P3H2: variants seen among roughly 807,000 people sequenced by gnomAD.
P3H2 encodes the protein prolyl 3-hydroxylase 2, also known as leprecan-like 1.
A neutral mutation model predicts 87.0 loss-of-function variants in P3H2; 80 were observed. The observed-to-expected ratio is 0.92, with a 90% CI of 0.77 to 1.11. P3H2 has a LOEUF of 1.11. Ranked by LOEUF, P3H2 falls within the 50% of genes least tolerant of loss-of-function variation. The pLI is 0.00. For synonymous variants in P3H2, 367 were observed against 359.3 expected (o/e 1.02, Z -0.24); for missense variants, 1,001 against 923.9 (o/e 1.08, Z -1.08).
chr3:190,022,318 G>T lies in P3H2; in HGVS notation c.481-26876C>A, dbSNP rs924576116. ...TAGATTTGTAGTTTAAGGCACAAAT[G>T]AGCCCCTCAGGGGTGGGGTGTGCAT... On this transcript the variant is annotated intron_variant, in intron 1 of 14. Coordinates refer to ENST00000319332, the MANE Select transcript of P3H2 (RefSeq NM_018192.4). Among the ~76,000 whole-genome samples, 9 of 135,412 alleles carry T rather than the reference G, an allele frequency of 6.6e-5. 2 individuals carry two copies. The highest frequency in any genetic ancestry group is 5.0e-4 in the East Asian group (2 of 4,016). 88.8% of individuals were successfully genotyped at this position (135,412 alleles called of 152,430 possible).
At chr3:190,007,587 A>G (rs1178605648) in intron 1 of P3H2, among the ~76,000 whole-genome samples, 1 of 152,120 alleles carries the variant, frequency 6.6e-6, no homozygotes, top group Non-Finnish European at 1.5e-5. Context: ...CAGAGAGAAG[A>G]GTTTCCTAAA....
intron 1 of P3H2, among the ~76,000 whole-genome samples, chr3:190,050,998 A>T (rs1725963698): frequency 6.6e-6 from 1 of 152,204 alleles, no homozygotes; most frequent in Non-Finnish European, 1.5e-5. Context: ...TGAAATTAGG[A>T]TATTAATCTG....
chr3:190,120,106 A>G (rs1712479041), intron 1 of P3H2, 146 bp downstream of exon 1: 1 of 900,086 alleles, frequency 1.1e-6, no homozygotes, highest in Non-Finnish European at 1.7e-6. Flanking sequence ...TAGGGCCACC[A>G]GATATCTGGA....
chr3:190,055,581 A>T (rs1726128728), intron 1 of P3H2, among the ~76,000 whole-genome samples: 1 of 151,686 alleles, frequency 6.6e-6, no homozygotes, highest in East Asian at 1.9e-4. Context: ...TGAAGTACTT[A>T]GAAATGTAAT....
Position 189,973,038 on chromosome 3 carries a change from A to C in P3H2, c.1549-14T>G, listed in dbSNP as rs1723224890. On this transcript the variant is annotated splice_polypyrimidine_tract_variant and intron_variant, in intron 10 of 14. Transcript: ENST00000319332. The stretch of plus-strand genomic sequence containing the variant: ...TTCATAACCAGACTGAAAAAAAAAA[A>C]CAAAACATGAGAAACAAATGGGTTC... The C allele has an allele frequency of 6.4e-7, 1 of 1,553,076 alleles. No individual in the cohort carries two copies. The highest frequency in any genetic ancestry group is 8.7e-7 in the Non-Finnish European group (1 of 1,151,978).
chr3:190,035,421 T>G (rs1725388990), intron 1 of P3H2, among the ~76,000 whole-genome samples: 1 of 152,212 alleles, frequency 6.6e-6, no homozygotes, highest in Non-Finnish European at 1.5e-5. Context: ...ATTAAAATGT[T>G]ATGTGAATAT....
At chr3:190,031,462 C>T (rs1021175025) in intron 1 of P3H2, among the ~76,000 whole-genome samples, 1 of 151,960 alleles carries the variant, frequency 6.6e-6, no homozygotes, top group Non-Finnish European at 1.5e-5. Flanking sequence ...ACACGGTAAA[C>T]CCTGTCTCTA....
intron 3 of P3H2, among the ~76,000 whole-genome samples, chr3:189,991,105 A>C (rs978635489): frequency 6.6e-6 from 1 of 152,226 alleles, no homozygotes; most frequent in Non-Finnish European, 1.5e-5. Flanking sequence ...GCCATTCCCA[A>C]ATACAAGATC....
intron 1 of P3H2, among the ~76,000 whole-genome samples, chr3:190,105,413 C>T (rs1490475873): frequency 3.3e-5 from 5 of 152,298 alleles, no homozygotes; most frequent in Middle Eastern, 3.4e-3. Flanking sequence ...GTCTTTTCTT[C>T]ATTAGCTTAC....
chr3:189,969,572 G>GAGCC (rs1454067400), intron 13 of P3H2: 1 of 1,289,300 alleles, frequency 7.8e-7, no homozygotes, highest in Non-Finnish European at 1.1e-6. Context: ...CTCCCTCAAG[G>GAGCC]AGCCACAAGC....
At chr3:189,995,624 T>A (rs944029430) in intron 1 of P3H2, among the ~76,000 whole-genome samples, 182 bp from the exon 2 acceptor site, 1 of 150,742 alleles carries the variant, frequency 6.6e-6, no homozygotes, top group Non-Finnish European at 1.5e-5. Context: ...GTAAAAAACT[T>A]CTGCACAGCA....
intron 1 of P3H2, among the ~76,000 whole-genome samples, chr3:190,031,380 G>GTTA (rs746019842): frequency 6.6e-6 from 1 of 151,696 alleles, no homozygotes; most frequent in Non-Finnish European, 1.5e-5. Context: ...TCTCATGCCT[G>GTTA]TAATCCCAGC....
intron 1 of P3H2, among the ~76,000 whole-genome samples, chr3:190,066,158 T>TATATATATATATATATACACACAC (rs1256956930): frequency 5.9e-4 from 80 of 134,600 alleles, no homozygotes; most frequent in Middle Eastern, 4.0e-3. Context: ...TATATATATA[T>TATATATATATATATATACACACAC]ACACACACAC....
At chr3:190,042,051 T>C (rs1560375642) in intron 1 of P3H2, among the ~76,000 whole-genome samples, 1 of 152,220 alleles carries the variant, frequency 6.6e-6, no homozygotes, top group Non-Finnish European at 1.5e-5. Flanking sequence ...TTTTGGTAAT[T>C]AGTGGCTTTA....
rs1724600491 is a variant in P3H2, at chr3:190,011,872, CAT to C, written c.481-16432_481-16431del. On this transcript the variant is annotated intron_variant, in intron 1 of 14. Transcript: ENST00000319332. ...GGATAATATGATTCTACTCATGTAACATAAATTCACTAGAAAAATGTTATACA... is the reference window on the plus strand; with the variant it reads ...GGATAATATGATTCTACTCATGTAACAAATTCACTAGAAAAATGTTATACA... 4.6e-5 allele frequency among the ~76,000 whole-genome samples: 7 copies of C among 152,206 alleles called. No homozygotes were observed. The South Asian group carries it at 1.5e-3, about 32-fold the overall frequency.
Position 190,039,842 on chromosome 3 carries a change from T to C in P3H2, c.481-44400A>G, listed in dbSNP as rs1338571811. On this transcript the variant is annotated intron_variant, in intron 1 of 14. Transcript: ENST00000319332. ...GATTTATTGATTCTTGTTTCCCCAG[T>C]GAGCCTAGAACACTCTGTAGGTGTT... Among the ~76,000 whole-genome samples the C allele has an allele frequency of 3.3e-5, 5 of 152,192 alleles. No homozygotes were observed. The East Asian group carries it at 9.6e-4, about 29-fold the overall frequency.
chr3:190,089,292 A>C (rs1043268510), intron 1 of P3H2, among the ~76,000 whole-genome samples: 4 of 152,216 alleles, frequency 2.6e-5, no homozygotes, highest in East Asian at 1.9e-4. Flanking sequence ...TGGGTGCAGC[A>C]CACCAACATA....
intron 1 of P3H2, among the ~76,000 whole-genome samples, chr3:190,050,290 AT>A (rs1725937883): frequency 6.6e-6 from 1 of 152,172 alleles, no homozygotes; most frequent in Non-Finnish European, 1.5e-5. Flanking sequence ...GAGTAATGCA[AT>A]TCCTTTTTCC....
chr3:189,992,653 A>G (rs1047607122), intron 3 of P3H2, among the ~76,000 whole-genome samples: 1 of 152,218 alleles, frequency 6.6e-6, no homozygotes, highest in Non-Finnish European at 1.5e-5. Flanking sequence ...GCTTCACTCT[A>G]ATCACATCAC....
Sources: allele counts gnomAD v4.1 joint callset (sites outside exome capture counted in the v4.1 genomes callset), GRCh38; gene constraint gnomAD v4.1.1; transcripts MANE v1.5; gene names NCBI Gene and HGNC (gene_info 2026-07-23, HGNC 2026-07-21).